The following SORCS1 variants were observed in gnomAD, a reference collection of about 807,000 sequenced individuals.
The protein encoded by SORCS1 is VPS10 domain-containing receptor SorCS1.
Under a neutral mutation model 146.1 loss-of-function variants are expected in SORCS1, and 60 were observed. That is an observed-to-expected ratio of 0.41 (90% CI 0.33 to 0.51). The LOEUF (loss-of-function observed/expected upper bound fraction) is 0.51, where lower values mean the gene tolerates loss of function less well. Ranked by LOEUF, SORCS1 falls within the 20% of genes least tolerant of loss-of-function variation. The probability of loss-of-function intolerance (pLI) is 0.21; values close to 1 mark genes in which losing one functional copy is unlikely to be tolerated. For synonymous variants in SORCS1, 637 were observed against 584.0 expected (o/e 1.09, Z -1.31); for missense variants, 1,352 against 1,487.6 (o/e 0.91, Z 1.50).
chr10:106,783,365 G>C (rs1861042118), intron 3 of SORCS1, among the ~76,000 whole-genome samples: 1 of 152,216 alleles, frequency 6.6e-6, no homozygotes, highest in Non-Finnish European at 1.5e-5. Context: ...GTCATGCCCT[G>C]CAGAGATTCG....
intron 1 of SORCS1, among the ~76,000 whole-genome samples, chr10:107,067,363 T>A (rs563065055): frequency 6.6e-6 from 1 of 152,058 alleles, no homozygotes; most frequent in East Asian, 1.9e-4. Context: ...AACCATCTCC[T>A]AATCCTTGCG....
intron 2 of SORCS1, among the ~76,000 whole-genome samples, chr10:106,934,415 C>A (rs999566327): frequency 6.6e-6 from 1 of 151,142 alleles, no homozygotes; most frequent in Non-Finnish European, 1.5e-5. Context: ...CACCACCACA[C>A]CCGGCTAATT....
chr10:106,955,632 G>T (rs2138979016), intron 2 of SORCS1, among the ~76,000 whole-genome samples: 1 of 152,330 alleles, frequency 6.6e-6, no homozygotes, highest in Middle Eastern at 3.4e-3. Flanking sequence ...ATGAGTGTGG[G>T]TATGCATGCC....
intron 3 of SORCS1, among the ~76,000 whole-genome samples, chr10:106,818,376 T>C (rs1429773697): frequency 6.6e-6 from 1 of 151,828 alleles, no homozygotes; most frequent in South Asian, 2.1e-4. Flanking sequence ...AGGATTTTTT[T>C]TTTTTTTTTA....
At chr10:106,615,718 C>T (rs1847315850) in intron 21 of SORCS1, among the ~76,000 whole-genome samples, 1 of 152,148 alleles carries the variant, frequency 6.6e-6, no homozygotes, top group African/African-American at 2.4e-5. Flanking sequence ...GCCGATGGTG[C>T]AGGAATTTGG....
chr10:107,147,939 G>A (rs1424233962), intron 1 of SORCS1, among the ~76,000 whole-genome samples: 1 of 152,122 alleles, frequency 6.6e-6, no homozygotes, highest in Admixed American at 6.5e-5. Context: ...TCTTGAAAGT[G>A]TTGGAGAAAT....
chr10:106,923,693 T>C (rs1471761735), intron 2 of SORCS1, among the ~76,000 whole-genome samples: 2 of 152,238 alleles, frequency 1.3e-5, no homozygotes, highest in African/African-American at 2.4e-5. Context: ...TGTTTTCATT[T>C]GCAATTCTCT....
At chr10:106,638,671 A>G (rs1469246007) in intron 18 of SORCS1, among the ~76,000 whole-genome samples, 6 of 152,216 alleles carry the variant, frequency 3.9e-5, no homozygotes, top group East Asian at 1.9e-4. Context: ...GACCTCTTCT[A>G]TGAAATGGAT....
At chr10:106,997,013 G>A (rs1957031238) in intron 1 of SORCS1, among the ~76,000 whole-genome samples, 1 of 151,558 alleles carries the variant, frequency 6.6e-6, no homozygotes, top group South Asian at 2.1e-4. Flanking sequence ...TAGGAGGACT[G>A]CATAACATTC....
intron 1 of SORCS1, among the ~76,000 whole-genome samples, chr10:107,088,740 G>A (rs1484648595): frequency 6.6e-6 from 1 of 152,118 alleles, no homozygotes; most frequent in African/African-American, 2.4e-5. Context: ...CTGTAATTTA[G>A]ATGCAGAGTT....
intron 18 of SORCS1, among the ~76,000 whole-genome samples, chr10:106,635,404 TA>T (rs1269257936): frequency 1.3e-5 from 2 of 152,174 alleles, no homozygotes; most frequent in East Asian, 3.9e-4. Flanking sequence ...CCATTTTTAA[TA>T]AAAAAATAAG....
intron 2 of SORCS1, among the ~76,000 whole-genome samples, chr10:106,867,274 A>T (rs1019772801): frequency 2.0e-5 from 3 of 151,748 alleles, no homozygotes; most frequent in Non-Finnish European, 2.9e-5. Context: ...GACAGATTGG[A>T]AGCTTATATT....
intron 1 of SORCS1, among the ~76,000 whole-genome samples, chr10:107,019,804 A>G (rs746659652): frequency 1.3e-5 from 2 of 152,264 alleles, no homozygotes; most frequent in Non-Finnish European, 2.9e-5. Context: ...GGGCATGACT[A>G]TCTCTGTCCT....
chr10:106,912,361 C>CT lies in SORCS1; in HGVS notation c.626+44151dup, dbSNP rs533541134. Among the ~76,000 whole-genome samples the CT allele has an allele frequency of 5.2e-4, 79 of 151,934 alleles. 1 individual carries two copies. The highest frequency in any genetic ancestry group is 3.7e-3 in the South Asian group (18 of 4,802). On this transcript the variant is annotated intron_variant, in intron 2 of 25. Transcript: ENST00000263054. ...CCACCCCGACAGTCCACCTGTACCG[C>CT]TTTTTTTTACGAGATGATCCTTTTA...
chr10:106,834,445 G>A (rs756326485), intron 2 of SORCS1, among the ~76,000 whole-genome samples: 10 of 151,822 alleles, frequency 6.6e-5, no homozygotes, highest in Non-Finnish European at 1.3e-4. Context: ...TATTTCATGC[G>A]ACATTTTCCA....
At chr10:106,653,700 G>A (rs1187194871) in intron 17 of SORCS1, among the ~76,000 whole-genome samples, 2 of 152,180 alleles carry the variant, frequency 1.3e-5, no homozygotes, top group African/African-American at 4.8e-5. Context: ...GTCTGGAAAA[G>A]TACTTTGAAC....
rs766818370 is a variant in SORCS1 at position 106,970,336 on chromosome 10, C to CTTTTTTT, written c.559-13763_559-13757dup. Among the ~76,000 whole-genome samples the CTTTTTTT allele has an allele frequency of 2.9e-3, 256 of 89,404 alleles. 36 individuals carry two copies. The highest frequency in any genetic ancestry group is 0.013 in the African/African-American group (231 of 18,440). 58.7% of individuals were successfully genotyped at this position (89,404 alleles called of 152,430 possible). On this transcript the variant is annotated intron_variant, in intron 1 of 25. Transcript: ENST00000263054. ...TTCCCTCCAAATGTAACCAACATCTCTTTTTTTTTTTTTTTTTTTGAGATG... is the reference window on the plus strand; with the variant it reads ...TTCCCTCCAAATGTAACCAACATCTCTTTTTTTTTTTTTTTTTTTTTTTTTTGAGATG...
intron 10 of SORCS1, among the ~76,000 whole-genome samples, chr10:106,683,571 A>G (rs1286551380): frequency 6.6e-6 from 1 of 152,228 alleles, no homozygotes; most frequent in Non-Finnish European, 1.5e-5. Context: ...ACCATGTAAT[A>G]AATCAACTTT....
chr10:106,691,693 T>C (rs1249679492), intron 9 of SORCS1, among the ~76,000 whole-genome samples: 1 of 152,104 alleles, frequency 6.6e-6, no homozygotes, highest in African/African-American at 2.4e-5. Flanking sequence ...TGCCTCTACC[T>C]ATTCATCCTT....
Sources: allele counts gnomAD v4.1 joint callset (sites outside exome capture counted in the v4.1 genomes callset), GRCh38; gene constraint gnomAD v4.1.1; transcripts MANE v1.5; gene names NCBI Gene and HGNC (gene_info 2026-07-23, HGNC 2026-07-21).